The following SLC25A16 variants were observed in gnomAD, a reference collection of about 807,000 sequenced individuals.
The protein encoded by SLC25A16 is mitochondrial coenzyme A transporter SLC25A16.
SLC25A16 carries 39 observed loss-of-function variants against 41.5 expected under a neutral mutation model. The observed-to-expected ratio is 0.94, with a 90% CI of 0.73 to 1.23. The LOEUF (loss-of-function observed/expected upper bound fraction) is 1.23, where lower values mean the gene tolerates loss of function less well. Ranked by LOEUF, SLC25A16 falls within the 50% of genes most tolerant of loss-of-function variation. The probability of loss-of-function intolerance (pLI) is 0.00; values close to 1 mark genes in which losing one functional copy is unlikely to be tolerated. For missense variants in SLC25A16, 421 were observed against 426.9 expected (o/e 0.99, Z 0.12); for synonymous variants, 146 against 147.8 (o/e 0.99, Z 0.09).
intron 1 of SLC25A16, among the ~76,000 whole-genome samples, chr10:68,522,513 C>T (rs2133602672): frequency 6.6e-6 from 1 of 151,842 alleles, no homozygotes; most frequent in Middle Eastern, 3.4e-3. Flanking sequence ...AACCCGGTCT[C>T]CACTGAAAAT....
At chr10:68,486,784 T>C (rs2052571127) in intron 8 of SLC25A16, among the ~76,000 whole-genome samples, 1 of 151,418 alleles carries the variant, frequency 6.6e-6, no homozygotes, top group Admixed American at 6.6e-5. Context: ...GGTGAAACCT[T>C]ATTTCTACTA....
chr10:68,478,628 C>T lies in SLC25A16; in HGVS notation c.*4804G>A, dbSNP rs2052453252. On this transcript the variant is annotated 3_prime_UTR_variant, in exon 9 of 9. Coordinates refer to ENST00000609923, the MANE Select transcript of SLC25A16 (RefSeq NM_152707.4). ...GCCTAGGCTCAAGTGATCCTCCTCG[C>T]TCAGCCTCCCAAAGGGCTAGAATTA... 1 of 151,924 alleles carries T rather than the reference C, an allele frequency of 6.6e-6. No individual in the cohort carries two copies. Among genetic ancestry groups the T allele is most frequent in the Non-Finnish European group, 1.5e-5 (1 of 68,002 alleles). 9.4% of individuals were successfully genotyped at this position (151,924 alleles called of 1,614,324 possible).
In SLC25A16 at chr10:68,522,257, A is replaced by G. The variant is rs532670037; in HGVS notation, c.130+4989T>C. Among the ~76,000 whole-genome samples the G allele has an allele frequency of 5.9e-5, 9 of 152,310 alleles. No individual in the cohort carries two copies. In the East Asian group the frequency reaches 1.7e-3, roughly 29 times the overall value. ...TGCATTAAGGTAAGTGATGGAAGTC[A>G]GACTCAAAAGGCTACATACTATATG... On this transcript the variant is annotated intron_variant, in intron 1 of 8. Transcript: ENST00000609923.
At chr10:68,501,021 G>C (rs1394707326) in intron 4 of SLC25A16, among the ~76,000 whole-genome samples, 1 of 151,594 alleles carries the variant, frequency 6.6e-6, no homozygotes, top group Non-Finnish European at 1.5e-5. Context: ...GAGGGCCGAG[G>C]TGGGCGAATC....
At chr10:68,526,189 A>G (rs1317638194) in intron 1 of SLC25A16, among the ~76,000 whole-genome samples, 1 of 151,336 alleles carries the variant, frequency 6.6e-6, no homozygotes, top group South Asian at 2.1e-4. Context: ...TGGGCAATGG[A>G]ATGTCTCGGT....
chr10:68,493,276 A>G (rs2052692620), intron 5 of SLC25A16, 78 bp from the exon 6 acceptor site: 3 of 1,206,360 alleles, frequency 2.5e-6, no homozygotes, highest in Non-Finnish European at 2.4e-6. Context: ...ATCACACTTT[A>G]TAACAGAAAA....
Position 68,480,366 on chromosome 10 carries a change from GA to G in SLC25A16, c.*3065del, listed in dbSNP as rs1259786666. ...TCAATATGTAAACAGTTGAAAGAAA[GA>G]AATTGTCAAAACATGGATAAAATTT... On this transcript the variant is annotated 3_prime_UTR_variant, in exon 9 of 9. Coordinates refer to ENST00000609923, the MANE Select transcript of SLC25A16 (RefSeq NM_152707.4). 1 of 151,620 alleles carries G rather than the reference GA, an allele frequency of 6.6e-6. No individual in the cohort carries two copies. The highest frequency in any genetic ancestry group is 2.4e-5 in the African/African-American group (1 of 41,198). 9.4% of individuals were successfully genotyped at this position (151,620 alleles called of 1,614,324 possible). A position where few individuals can be genotyped will look rare whatever the true frequency, so the allele number is the denominator to read the frequency against.
rs571342807 is a variant in SLC25A16, at chr10:68,487,266, A to G, written c.774-54T>C. On this transcript the variant is annotated intron_variant, in intron 7 of 8. Coordinates refer to ENST00000609923, the MANE Select transcript of SLC25A16 (RefSeq NM_152707.4). ...AAAAATTTTTGGTTTTCTACTCAAC[A>G]ACTATTGAATACAAAGCCCTATAAA... The G allele has an allele frequency of 6.6e-4, 825 of 1,251,890 alleles. 13 individuals carry two copies. The South Asian group carries it at 7.7e-3, about 12-fold the overall frequency. 77.5% of individuals were successfully genotyped at this position (1,251,890 alleles called of 1,614,324 possible). A position where few individuals can be genotyped will look rare whatever the true frequency, so the allele number is the denominator to read the frequency against.
intron 4 of SLC25A16, among the ~76,000 whole-genome samples, chr10:68,497,631 T>TG (rs2052772028): frequency 4.0e-5 from 6 of 151,808 alleles, no homozygotes; most frequent in African/African-American, 1.2e-4. Flanking sequence ...ATTTTTTTTT[T>TG]TCCAAGATGG....
At chr10:68,501,809 G>C (rs1256435737) in intron 4 of SLC25A16, among the ~76,000 whole-genome samples, 1 of 152,072 alleles carries the variant, frequency 6.6e-6, no homozygotes, top group African/African-American at 2.4e-5. Context: ...TGGCACAACT[G>C]ACAAGTCATA....
intron 4 of SLC25A16, among the ~76,000 whole-genome samples, chr10:68,494,537 CAG>C (rs920080773): frequency 6.4e-5 from 9 of 141,674 alleles, no homozygotes; most frequent in Non-Finnish European, 6.1e-5. Context: ...GAGAGAGAGA[CAG>C]AGAGAGAGAG....
At chr10:68,506,273 TGTCTCTACTA>T (rs2052952139) in intron 3 of SLC25A16, among the ~76,000 whole-genome samples, 1 of 151,892 alleles carries the variant, frequency 6.6e-6, no homozygotes, top group Non-Finnish European at 1.5e-5. Context: ...GGCAAAACGC[TGTCTCTACTA>T]AACATACAAA....
chr10:68,514,214 A>G (rs985641154), intron 2 of SLC25A16, among the ~76,000 whole-genome samples: 1 of 151,948 alleles, frequency 6.6e-6, no homozygotes, highest in Non-Finnish European at 1.5e-5. Context: ...TAATAATAAT[A>G]GGCCGGGCAC....
intron 6 of SLC25A16, among the ~76,000 whole-genome samples, chr10:68,489,520 T>A (rs929223456): frequency 1.8e-4 from 28 of 152,050 alleles, no homozygotes; most frequent in Non-Finnish European, 4.4e-5. Flanking sequence ...ATTAATAAAA[T>A]TAAGAATGAA....
chr10:68,488,130 G>A (rs113151943), intron 7 of SLC25A16, among the ~76,000 whole-genome samples: 4 of 152,016 alleles, frequency 2.6e-5, no homozygotes, highest in African/African-American at 4.8e-5. Flanking sequence ...GATTACAGAC[G>A]TGAGTCACCG....
Position 68,516,889 on chromosome 10 carries a change from T to A in SLC25A16, c.131-46A>T, listed in dbSNP as rs1178850281. On this transcript the variant is annotated intron_variant, in intron 1 of 8. Coordinates refer to ENST00000609923, the MANE Select transcript of SLC25A16 (RefSeq NM_152707.4). The stretch of plus-strand genomic sequence containing the variant: ...CAGGAAGAAATTGCGTACCATTTCT[T>A]TCCAGATGGAAATCATTAGTTGTTC... 3 of 1,423,770 alleles carry A rather than the reference T, an allele frequency of 2.1e-6. No homozygotes were observed. The East Asian group carries it at 6.8e-5, about 32-fold the overall frequency. 88.2% of individuals were successfully genotyped at this position (1,423,770 alleles called of 1,614,324 possible). A position where few individuals can be genotyped will look rare whatever the true frequency, so the allele number is the denominator to read the frequency against.
chr10:68,515,857 C>T (rs984411032), intron 2 of SLC25A16, among the ~76,000 whole-genome samples: 1 of 151,988 alleles, frequency 6.6e-6, no homozygotes, highest in African/African-American at 2.4e-5. Flanking sequence ...GTTACGTGTG[C>T]CTGTGAACAA....
At chr10:68,504,581 G>A (rs998697125) in intron 3 of SLC25A16, among the ~76,000 whole-genome samples, 4 of 146,994 alleles carry the variant, frequency 2.7e-5, no homozygotes, top group Non-Finnish European at 6.0e-5. Flanking sequence ...GTTTCACCAT[G>A]TTAGCCAGGA....
chr10:68,527,224 G>C, intron 1 of SLC25A16, 22 bp downstream of exon 1: 1 of 1,544,230 alleles, frequency 6.5e-7, no homozygotes. Context: ...AGCGCGGCTG[G>C]CTCTTCGTGG....
Sources: gnomAD v4.1 joint callset for allele counts (sites outside exome capture counted in the v4.1 genomes callset) on GRCh38, gnomAD v4.1.1 for gene constraint, MANE v1.5 for transcripts, NCBI Gene and HGNC (gene_info 2026-07-23, HGNC 2026-07-21) for gene names.